BAZ2B: variants seen among roughly 807,000 people sequenced by gnomAD.
BAZ2B encodes bromodomain adjacent to zinc finger domain protein 2B.
Under a neutral mutation model 246.0 loss-of-function variants are expected in BAZ2B, and 91 were observed. That is an observed-to-expected ratio of 0.37 (90% CI 0.31 to 0.44). BAZ2B has a LOEUF of 0.44. BAZ2B is among the 20% of genes least tolerant of loss of function. BAZ2B has a pLI of 1.00. For missense variants in BAZ2B, 2,332 were observed against 2,533.7 expected (o/e 0.92, Z 1.71); for synonymous variants, 855 against 860.0 (o/e 0.99, Z 0.10).
intron 3 of BAZ2B, chr2:159,461,831 C>G (rs2150605597): frequency 6.5e-6 from 1 of 152,850 alleles, no homozygotes; most frequent in Non-Finnish European, 1.5e-5. Context: ...CTGACACTTC[C>G]TTTGCCCTCC....
chr2:159,351,468 T>C (rs1039535176), intron 27 of BAZ2B, among the ~76,000 whole-genome samples: 1 of 152,148 alleles, frequency 6.6e-6, no homozygotes, highest in Non-Finnish European at 1.5e-5. Context: ...ATTTACTTCC[T>C]TAAAATAAAT....
At chr2:159,498,439 A>C (rs939291874) in intron 2 of BAZ2B, among the ~76,000 whole-genome samples, 3 of 152,354 alleles carry the variant, frequency 2.0e-5, no homozygotes, top group African/African-American at 7.2e-5. Flanking sequence ...GCTTTCAAAA[A>C]TGCCATCTTT....
At chr2:159,453,826 A>G (rs750729142) in intron 3 of BAZ2B, 25 bp from the exon 4 acceptor site, 1 of 1,538,674 alleles carries the variant, frequency 6.5e-7, no homozygotes, top group Admixed American at 2.0e-5. Flanking sequence ...AACACACTTA[A>G]AGTTGTACTA....
intron 1 of BAZ2B, among the ~76,000 whole-genome samples, chr2:159,559,906 G>A (rs1004128466): frequency 6.6e-6 from 1 of 152,138 alleles, no homozygotes; most frequent in Non-Finnish European, 1.5e-5. Flanking sequence ...GCAAGTCACT[G>A]TTTTAGTAAA....
chr2:159,493,664 TATTTATATTCACTTAA>T (rs2080753525), intron 2 of BAZ2B, among the ~76,000 whole-genome samples: 2 of 152,236 alleles, frequency 1.3e-5, no homozygotes, highest in Admixed American at 1.3e-4. Flanking sequence ...GAGTTTAGCT[TATTTATATTCACTTAA>T]AAGCTTAAAC....
chr2:159,329,590 A>G (rs1218507390), intron 34 of BAZ2B, among the ~76,000 whole-genome samples: 2 of 152,226 alleles, frequency 1.3e-5, no homozygotes, highest in African/African-American at 4.8e-5. Flanking sequence ...GTATGCAGAA[A>G]AAGCCACTTG....
rs2081981545 is a variant in BAZ2B, at chr2:159,502,806, G to C, written c.-2-24085C>G. Among the ~76,000 whole-genome samples the C allele has an allele frequency of 2.0e-5, 3 of 152,136 alleles. No individual in the cohort carries two copies. The South Asian group carries it at 6.2e-4, about 31-fold the overall frequency. ...TTTCATGTGCTATAATGAATGATAT[G>C]CTGAGACAGAAAATCAAGTCACATA... On this transcript the variant is annotated intron_variant, in intron 2 of 36. Transcript: ENST00000392783.
chr2:159,487,522 G>T (rs2079971323), intron 2 of BAZ2B, among the ~76,000 whole-genome samples: 1 of 152,048 alleles, frequency 6.6e-6, no homozygotes, highest in Non-Finnish European at 1.5e-5. Context: ...ACTGTTCCCT[G>T]GTCTTTAATT....
chr2:159,637,803 C>T, the BAZ2B span, among the ~76,000 whole-genome samples: 2 of 152,204 alleles, frequency 1.3e-5, no homozygotes, highest in African/African-American at 4.8e-5. Flanking sequence ...CTCAAGCAAT[C>T]CATCTACCTC....
At chr2:159,469,549 C>A (rs1347536658) in intron 3 of BAZ2B, among the ~76,000 whole-genome samples, 1 of 152,114 alleles carries the variant, frequency 6.6e-6, no homozygotes, top group Non-Finnish European at 1.5e-5. Context: ...GATTCCCCTG[C>A]CTCAGCCTCT....
chr2:159,438,733 A>T (rs200848441), intron 7 of BAZ2B, 38 bp from the exon 8 acceptor site: 1 of 1,529,522 alleles, frequency 6.5e-7, no homozygotes, highest in South Asian at 1.3e-5. Context: ...CCTAACATCT[A>T]TTAAGACAAA....
the BAZ2B span, among the ~76,000 whole-genome samples, chr2:159,706,795 A>C: frequency 6.6e-6 from 1 of 152,210 alleles, no homozygotes; most frequent in African/African-American, 2.4e-5. Flanking sequence ...CCAGTTACGT[A>C]AGTAGCACTA....
At chr2:159,646,705 T>G in the BAZ2B span, among the ~76,000 whole-genome samples, 1 of 152,134 alleles carries the variant, frequency 6.6e-6, no homozygotes, top group African/African-American at 2.4e-5. Flanking sequence ...GGTCCCTGAC[T>G]TCCTGCAACA....
chr2:159,402,199 G>C (rs2149764550), intron 16 of BAZ2B, among the ~76,000 whole-genome samples: 1 of 152,186 alleles, frequency 6.6e-6, no homozygotes, highest in South Asian at 2.1e-4. Flanking sequence ...TGTAATCCTA[G>C]CACTCTGGGA....
rs991309353 is a variant in BAZ2B, at chr2:159,385,205, T to G, written c.3636A>C (p.Ser1212=). 4 of 1,613,640 alleles carry G rather than the reference T, an allele frequency of 2.5e-6. No individual in the cohort carries two copies. The highest frequency in any genetic ancestry group is 3.4e-6 in the Non-Finnish European group (4 of 1,179,660). The change falls in exon 23 of 37, where the codon TCA becomes TCC. Residue 1212 remains serine (S), a synonymous_variant. Coordinates refer to ENST00000392783, the MANE Select transcript of BAZ2B (RefSeq NM_013450.4). ...FQAHTPAQKA[S]VLAFLINELA... is the part of the protein sequence containing the mutation. The stretch of plus-strand genomic sequence containing the variant: ...GTTCATTGATCAGGAAAGCCAGGAC[T>G]GAAGCTTTCTGTGCTGGAGTGTGAG...
chr2:159,383,748 C>T (rs1359714971), intron 23 of BAZ2B, 68 bp from the exon 24 acceptor site: 1 of 1,337,278 alleles, frequency 7.5e-7, no homozygotes, highest in African/African-American at 1.5e-5. Context: ...ATTTGATATG[C>T]AATAAACTTG....
chr2:159,325,135 ATAT>A (rs1558945376), intron 35 of BAZ2B, among the ~76,000 whole-genome samples, 181 bp from the exon 36 acceptor site: 25 of 42,862 alleles, frequency 5.8e-4, no homozygotes, highest in African/African-American at 2.3e-3. Context: ...ATATATATAT[ATAT>A]ATATATATAT....
the BAZ2B span, among the ~76,000 whole-genome samples, chr2:159,641,615 C>G: frequency 6.6e-6 from 1 of 152,000 alleles, no homozygotes; most frequent in African/African-American, 2.4e-5. Context: ...TTTTGGAGTC[C>G]GGTCATGAAA....
intron 1 of BAZ2B, among the ~76,000 whole-genome samples, chr2:159,587,505 C>T (rs1688323955): frequency 6.6e-6 from 1 of 152,170 alleles, no homozygotes; most frequent in African/African-American, 2.4e-5. Flanking sequence ...CTTCAATTCA[C>T]TCATCAAAAA....
Sources: gnomAD v4.1 joint callset for allele counts (sites outside exome capture counted in the v4.1 genomes callset) on GRCh38, gnomAD v4.1.1 for gene constraint, MANE v1.5 for transcripts, NCBI Gene and HGNC (gene_info 2026-07-23, HGNC 2026-07-21) for gene names.